NSMAF: variants seen among roughly 807,000 people sequenced by gnomAD.
NSMAF encodes neutral sphingomyelinase activation associated factor, also known as protein FAN.
Under a neutral mutation model 134.9 loss-of-function variants are expected in NSMAF, and 90 were observed. That is an observed-to-expected ratio of 0.67 (90% CI 0.56 to 0.79). The LOEUF is 0.79. Among genes scored for constraint, NSMAF ranks in the 30% least tolerant of loss-of-function variants. The probability of loss-of-function intolerance (pLI) is 0.00; values close to 1 mark genes in which losing one functional copy is unlikely to be tolerated. For missense variants in NSMAF, 1,010 were observed against 1,119.0 expected (o/e 0.90, Z 1.39); for synonymous variants, 358 against 389.6 (o/e 0.92, Z 0.96).
chr8:58,641,600 C>T (rs891380707), intron 2 of NSMAF, among the ~76,000 whole-genome samples: 4 of 152,182 alleles, frequency 2.6e-5, no homozygotes, highest in Admixed American at 6.5e-5. Context: ...CCTTGTTGAA[C>T]CTGCATAGTA....
At chr8:58,625,083 G>C (rs901713283) in intron 6 of NSMAF, among the ~76,000 whole-genome samples, 1 of 152,174 alleles carries the variant, frequency 6.6e-6, no homozygotes, top group African/African-American at 2.4e-5. Context: ...GAGTAAAACA[G>C]ATTGCCCTCC....
chr8:58,620,710 G>T (rs1178740718), intron 9 of NSMAF, among the ~76,000 whole-genome samples: 1 of 152,098 alleles, frequency 6.6e-6, no homozygotes, highest in Non-Finnish European at 1.5e-5. Context: ...ACTGTTCTAG[G>T]AGCTGGTTGG....
intron 9 of NSMAF, among the ~76,000 whole-genome samples, chr8:58,612,474 T>G (rs1806551679): frequency 6.6e-6 from 1 of 152,224 alleles, no homozygotes; most frequent in Non-Finnish European, 1.5e-5. Context: ...CCCTTTATCA[T>G]GTCCTTTATT....
chr8:58,594,297 A>G lies in NSMAF; in HGVS notation c.1893-7T>C. The G allele has an allele frequency of 6.2e-7, 1 of 1,613,356 alleles. No homozygotes were observed. Among genetic ancestry groups the G allele is most frequent in the Non-Finnish European group, 8.5e-7 (1 of 1,179,264 alleles). On this transcript the variant is annotated splice_region_variant and splice_polypyrimidine_tract_variant and intron_variant, in intron 22 of 30. Transcript: ENST00000038176. ...CGTGATTCCAGTAACTGCTCTGCTC[A>G]AAAACAAAGTTTCACAAATTACTAC...
At chr8:58,594,363 A>T in intron 22 of NSMAF, 73 bp from the exon 23 acceptor site, 2 of 1,354,108 alleles carry the variant, frequency 1.5e-6, no homozygotes, top group East Asian at 4.6e-5. Flanking sequence ...CATATCCTTG[A>T]TTTAATTTTA....
At chr8:58,648,178 G>A (rs1462791473) in intron 1 of NSMAF, among the ~76,000 whole-genome samples, 5 of 152,192 alleles carry the variant, frequency 3.3e-5, no homozygotes, top group African/African-American at 4.8e-5. Context: ...CATGTTCTAG[G>A]GATCTGTGGA....
chr8:58,599,956 T>C lies in NSMAF; in HGVS notation c.1332+14A>G. The C allele has an allele frequency of 6.2e-7, 1 of 1,613,798 alleles. No homozygotes were observed. Among genetic ancestry groups the C allele is most frequent in the Non-Finnish European group, 8.5e-7 (1 of 1,179,782 alleles). ...CCCAAGTCCAGTTACTCATCAGCTT[T>C]ATTAACTGCTTACCTCTTTAAAATC... On this transcript the variant is annotated intron_variant, in intron 17 of 30. Coordinates refer to ENST00000038176, the MANE Select transcript of NSMAF (RefSeq NM_003580.4).
At chr8:58,655,575 C>T (rs1807686505) in intron 1 of NSMAF, among the ~76,000 whole-genome samples, 1 of 152,060 alleles carries the variant, frequency 6.6e-6, no homozygotes. Flanking sequence ...ATAATATCCT[C>T]ATCTACTAAC....
intron 2 of NSMAF, among the ~76,000 whole-genome samples, chr8:58,641,440 C>T (rs538059677): frequency 3.7e-4 from 57 of 152,088 alleles, no homozygotes; most frequent in South Asian, 1.0e-3. Flanking sequence ...TCTCCACTAG[C>T]TTTTAGTTTA....
chr8:58,617,305 C>A (rs1275224109), intron 9 of NSMAF, among the ~76,000 whole-genome samples: 4 of 152,112 alleles, frequency 2.6e-5, no homozygotes, highest in Non-Finnish European at 5.9e-5. Context: ...CCAAAATAGA[C>A]AAATGGGATC....
At chr8:58,643,172 T>A (rs1387222) in intron 1 of NSMAF, 99 bp from the exon 2 acceptor site, 288,838 of 848,442 alleles carry the variant, frequency 0.34, 50,822 homozygotes, top group Non-Finnish European at 0.35. Flanking sequence ...TTTTCCATTC[T>A]TGAATTTAAC....
intron 1 of NSMAF, among the ~76,000 whole-genome samples, chr8:58,652,642 C>G (rs935522133): frequency 2.6e-5 from 4 of 152,258 alleles, no homozygotes; most frequent in African/African-American, 9.6e-5. Context: ...AACGTTACCC[C>G]AGGGGGACAA....
rs1585769886 is a variant in NSMAF at position 58,654,848 on chromosome 8, T to G, written c.59+4725A>C. On this transcript the variant is annotated intron_variant, in intron 1 of 30. Transcript: ENST00000038176. ...TTCTTTTCTATTATGTATTTATTTA[T>G]TTTTGAAACAAAGTCTCACTCTGTT... Among the ~76,000 whole-genome samples, 5 of 152,304 alleles carry G rather than the reference T, an allele frequency of 3.3e-5. No homozygotes were observed. In the South Asian group the frequency reaches 8.3e-4, roughly 25 times the overall value.
At chr8:58,603,459 G>T in intron 12 of NSMAF, 73 bp from the exon 13 acceptor site, 1 of 1,392,888 alleles carries the variant, frequency 7.2e-7, no homozygotes, top group Non-Finnish European at 1.0e-6. Context: ...GGGGCTTAAC[G>T]TGTAGACCAT....
Position 58,607,820 on chromosome 8 carries a change from TG to T in NSMAF, c.707del (p.Thr236AsnfsTer35). 8 of 1,614,008 alleles carry T rather than the reference TG, an allele frequency of 5.0e-6. No individual in the cohort carries two copies. Among genetic ancestry groups the T allele is most frequent in the Non-Finnish European group, 6.8e-6 (8 of 1,179,904 alleles). On this transcript the variant is annotated frameshift_variant, in exon 11 of 31. Transcript: ENST00000038176. LOFTEE classifies it high-confidence loss of function. ...NGYPKPVVQITLQDVRRIYKR... is the reference protein window; with the variant it reads ...NGYPKPVVQIXLQDVRRIYKR... Reference sequence around the variant, plus strand: ...TGTAGATGCGGCGGACATCTTGGAGTGTTATCTGGACCACAGGTTTCTTTAA... The same window carrying T: ...TGTAGATGCGGCGGACATCTTGGAGTTTATCTGGACCACAGGTTTCTTTAA...
chr8:58,646,152 G>A (rs1432496941), intron 1 of NSMAF, among the ~76,000 whole-genome samples: 1 of 152,162 alleles, frequency 6.6e-6, no homozygotes, highest in Admixed American at 6.5e-5. Flanking sequence ...AACTTTTATT[G>A]ACCTGTCCTC....
At chr8:58,629,288 A>T (rs868520336) in intron 6 of NSMAF, among the ~76,000 whole-genome samples, 2 of 151,778 alleles carry the variant, frequency 1.3e-5, no homozygotes, top group Non-Finnish European at 2.9e-5. Flanking sequence ...CAGTTTGCTG[A>T]TTTTTTCTTC....
chr8:58,593,046 C>CTGTG (rs1245194546), intron 23 of NSMAF, among the ~76,000 whole-genome samples: 2 of 152,210 alleles, frequency 1.3e-5, no homozygotes, highest in Non-Finnish European at 2.9e-5. Context: ...ACAAGTACAA[C>CTGTG]TGTGCTGAAC....
rs547740287 is a variant in NSMAF, at chr8:58,659,659, C to T, written c.-28G>A. On this transcript the variant is annotated 5_prime_UTR_variant, in exon 1 of 31. Transcript: ENST00000038176. ...AGGGTAGGCGCGGGCGGGCGCAGAG[C>T]GCACAGGCAGGCCCCGCCGCCGCCT... 20 of 1,397,976 alleles carry T rather than the reference C, an allele frequency of 1.4e-5. No individual in the cohort carries two copies. Among genetic ancestry groups the T allele is most frequent in the African/African-American group, 1.4e-4 (9 of 66,130 alleles). The allele number at this position is 1,397,976 out of a possible 1,614,324, so 86.6% of individuals were successfully genotyped here. A position where few individuals can be genotyped will look rare whatever the true frequency, so the allele number is the denominator to read the frequency against.
Sources: gnomAD v4.1 joint callset for allele counts (sites outside exome capture counted in the v4.1 genomes callset) on GRCh38, gnomAD v4.1.1 for gene constraint, MANE v1.5 for transcripts, NCBI Gene and HGNC (gene_info 2026-07-23, HGNC 2026-07-21) for gene names.